Variants in CEP128 observed in about 807,000 individuals in gnomAD.
CEP128 encodes centrosomal protein 128kDa.
CEP128 carries 132 observed loss-of-function variants against 156.7 expected under a neutral mutation model. The observed-to-expected ratio is 0.84, with a 90% CI of 0.73 to 0.97. The LOEUF is 0.97. Ranked by LOEUF, CEP128 falls within the 50% of genes least tolerant of loss-of-function variation. The pLI is 0.00. For missense variants in CEP128, 1,252 were observed against 1,281.9 expected (o/e 0.98, Z 0.36); for synonymous variants, 469 against 448.9 (o/e 1.04, Z -0.57).
chr14:80,784,768 T>G, intron 15 of CEP128, 127 bp downstream of exon 15: 1 of 831,016 alleles, frequency 1.2e-6, no homozygotes. Context: ...AGCCTCTTTA[T>G]TGTTGGTTTT....
chr14:80,694,686 G>A (rs987799803), intron 19 of CEP128, among the ~76,000 whole-genome samples: 2 of 151,832 alleles, frequency 1.3e-5, no homozygotes, highest in Non-Finnish European at 2.9e-5. Flanking sequence ...ACTCATAAGT[G>A]GGAGTTGAAC....
intron 19 of CEP128, among the ~76,000 whole-genome samples, chr14:80,603,708 T>C (rs1892669853): frequency 2.0e-5 from 3 of 152,294 alleles, no homozygotes; most frequent in South Asian, 4.1e-4. Context: ...TAAAAAGATA[T>C]TGCAATTATT....
intron 19 of CEP128, among the ~76,000 whole-genome samples, chr14:80,641,541 T>C (rs149732760): frequency 2.0e-5 from 3 of 152,322 alleles, no homozygotes; most frequent in African/African-American, 7.2e-5. Context: ...TAGAATCGGA[T>C]ACAGTGCCTG....
intron 19 of CEP128, among the ~76,000 whole-genome samples, chr14:80,645,964 T>C (rs1263064373): frequency 6.6e-6 from 1 of 152,084 alleles, no homozygotes; most frequent in Non-Finnish European, 1.5e-5. Context: ...AAGAAACTCA[T>C]GTGAAAAAGG....
intron 14 of CEP128, among the ~76,000 whole-genome samples, chr14:80,787,008 G>C (rs553903658): frequency 6.6e-6 from 1 of 152,158 alleles, no homozygotes; most frequent in East Asian, 1.9e-4. Context: ...GTTCACTTCC[G>C]AAAGAATGTA....
chr14:80,880,266 T>A (rs1295237014), intron 8 of CEP128, among the ~76,000 whole-genome samples: 2 of 152,068 alleles, frequency 1.3e-5, no homozygotes, highest in East Asian at 3.9e-4. Context: ...AAAGCATTTA[T>A]CGAAGTCCAA....
At chr14:80,668,302 C>A (rs1308791798) in intron 19 of CEP128, among the ~76,000 whole-genome samples, 1 of 151,358 alleles carries the variant, frequency 6.6e-6, no homozygotes, top group Non-Finnish European at 1.5e-5. Context: ...AGAAAATTTG[C>A]TAAACATTTT....
chr14:80,827,404 C>G (rs1306132855), intron 13 of CEP128, among the ~76,000 whole-genome samples: 3 of 152,122 alleles, frequency 2.0e-5, no homozygotes, highest in Non-Finnish European at 2.9e-5. Flanking sequence ...ATAAGTGGCT[C>G]CCAGAATGCC....
intron 8 of CEP128, among the ~76,000 whole-genome samples, chr14:80,877,555 A>G (rs1299350459): frequency 6.6e-6 from 1 of 152,200 alleles, no homozygotes; most frequent in Non-Finnish European, 1.5e-5. Context: ...CACACAAAAA[A>G]CACATTTTGA....
rs772334954 is a variant in CEP128, at chr14:80,905,896, T to C, written c.361+59A>G. 2.6e-6 allele frequency: 4 copies of C among 1,542,744 alleles called. No individual in the cohort carries two copies. The African/African-American group carries it at 5.5e-5, about 21-fold the overall frequency. On this transcript the variant is annotated intron_variant, in intron 5 of 24. Transcript: ENST00000555265. ...GTCATATTTCTCCAAAAATTAAATG[T>C]ATTCAATATCTACTTCAAAAATATT...
chr14:80,533,389 A>C (rs948116374), intron 21 of CEP128, among the ~76,000 whole-genome samples: 2 of 152,150 alleles, frequency 1.3e-5, no homozygotes, highest in Admixed American at 6.5e-5. Context: ...AGGTTAAGTA[A>C]GTATGTAAAA....
intron 19 of CEP128, among the ~76,000 whole-genome samples, chr14:80,641,532 A>G (rs1183233735): frequency 6.6e-6 from 1 of 152,186 alleles, no homozygotes; most frequent in Non-Finnish European, 1.5e-5. Context: ...CCTTTTTCCT[A>G]GAATCGGATA....
chr14:80,743,241 T>C lies in CEP128; in HGVS notation c.2640A>G (p.Glu880=). The change falls in exon 19 of 25, where the codon GAA becomes GAG. Residue 880 remains glutamate (E), a synonymous_variant. Transcript: ENST00000555265. ...TCTCTCTGTTTTCTCTCTCTTTCAG[T>C]TCCTCACAGAGCCACTGAAGTTTAG... ...SKTKLQWLCE[E]LKERENREKN... 6.2e-7 allele frequency: 1 copy of C among 1,613,094 alleles called. No individual in the cohort carries two copies. The highest frequency in any genetic ancestry group is 8.5e-7 in the Non-Finnish European group (1 of 1,179,488).
At chr14:80,959,417 A>G (rs1886901552) in intron 1 of CEP128, 1 of 152,242 alleles carries the variant, frequency 6.6e-6, no homozygotes, top group Non-Finnish European at 1.5e-5. Flanking sequence ...AGATTGACCC[A>G]TCACCCTCTC....
intron 8 of CEP128, among the ~76,000 whole-genome samples, chr14:80,895,331 A>G (rs1182651317): frequency 6.6e-6 from 1 of 152,184 alleles, no homozygotes; most frequent in East Asian, 1.9e-4. Flanking sequence ...GGGGAGTGCT[A>G]CAAAACCACT....
At chr14:80,535,837 G>C (rs1889460658) in intron 21 of CEP128, among the ~76,000 whole-genome samples, 1 of 152,112 alleles carries the variant, frequency 6.6e-6, no homozygotes, top group Admixed American at 6.5e-5. Context: ...ACTGAATCTT[G>C]ACCTCTTTAT....
intron 9 of CEP128, among the ~76,000 whole-genome samples, chr14:80,860,535 G>C (rs553439178): frequency 6.6e-6 from 1 of 151,940 alleles, no homozygotes; most frequent in Non-Finnish European, 1.5e-5. Flanking sequence ...ATTTTCTCTT[G>C]CAGAAAAGAA....
intron 8 of CEP128, among the ~76,000 whole-genome samples, chr14:80,879,332 T>C (rs2556609): frequency 1 from 152,233 of 152,304 alleles, 76,083 homozygotes; most frequent in Non-Finnish European, 1. Context: ...AATAATTATA[T>C]AGTAATTGAT....
chr14:80,943,425 C>T (rs1040714046), upstream of CEP128, among the ~76,000 whole-genome samples: 1 of 152,158 alleles, frequency 6.6e-6, no homozygotes, highest in Non-Finnish European at 1.5e-5. Flanking sequence ...AATGTAATCA[C>T]GAGCTACATT....
Sources: allele counts gnomAD v4.1 joint callset (sites outside exome capture counted in the v4.1 genomes callset), GRCh38; gene constraint gnomAD v4.1.1; transcripts MANE v1.5; gene names NCBI Gene and HGNC (gene_info 2026-07-23, HGNC 2026-07-21).